OR51L1: variants seen among roughly 807,000 people sequenced by gnomAD.
OR51L1 encodes olfactory receptor family 51 subfamily L member 1, also known as olfactory receptor 51L1.
Under a neutral mutation model 1.4 loss-of-function variants are expected in OR51L1, and 1 was observed. That is an observed-to-expected ratio of 0.72 (90% confidence interval 0.26 to 3.42). The LOEUF (loss-of-function observed/expected upper bound fraction) is 3.42, where lower values mean the gene tolerates loss of function less well. Ranked by LOEUF, OR51L1 falls within the 30% of genes most tolerant of loss-of-function variation. The probability of loss-of-function intolerance (pLI) is 0.20; values close to 1 mark genes in which losing one functional copy is unlikely to be tolerated. For synonymous variants in OR51L1, 156 were observed against 144.2 expected (o/e 1.08, Z -0.59); for missense variants, 378 against 380.0 (o/e 0.99, Z 0.04).
At chr11:4,997,773 G>A (rs945747282) in intron 2 of OR51L1, among the ~76,000 whole-genome samples, 190 bp downstream of exon 2, 4 of 152,142 alleles carry the variant, frequency 2.6e-5, no homozygotes, top group Non-Finnish European at 4.4e-5. Flanking sequence ...AACAATTGCT[G>A]AGGGAAAGTA....
rs1187765369 is a variant in OR51L1 at position 5,001,128 on chromosome 11, G to A, written c.*1198G>A. ...GGGTTTCACCATGTTGGGCAGGCTGGACTCGAACTCCTGACCTCAGGTGAT... is the reference window on the plus strand; with the variant it reads ...GGGTTTCACCATGTTGGGCAGGCTGAACTCGAACTCCTGACCTCAGGTGAT... On this transcript the variant is annotated 3_prime_UTR_variant, in exon 3 of 3. Coordinates refer to ENST00000641819, the MANE Select transcript of OR51L1 (RefSeq NM_001004755.2). 6.6e-6 allele frequency: 1 copy of A among 152,164 alleles called. No homozygotes were observed. Among genetic ancestry groups the A allele is most frequent in the Non-Finnish European group, 1.5e-5 (1 of 68,108 alleles). 9.4% of individuals were successfully genotyped at this position (152,164 alleles called of 1,614,324 possible).
Position 5,001,537 on chromosome 11 carries a change from C to G in OR51L1, c.*1607C>G, listed in dbSNP as rs999343156. On this transcript the variant is annotated 3_prime_UTR_variant, in exon 3 of 3. Coordinates refer to ENST00000641819, the MANE Select transcript of OR51L1 (RefSeq NM_001004755.2). ...TTAAGAGTTGTGCACAATCTCAACC[C>G]TCATCTTTTAATAATACTTTTACCT... 2 of 152,078 alleles carry G rather than the reference C, an allele frequency of 1.3e-5. No individual in the cohort carries two copies. Among genetic ancestry groups the G allele is most frequent in the Non-Finnish European group, 2.9e-5 (2 of 68,006 alleles). The allele number at this position is 152,078 out of a possible 1,614,324, so 9.4% of individuals were successfully genotyped here.
chr11:4,995,418 AATT>A (rs997712949), intron 1 of OR51L1, 83 bp downstream of exon 1: 84 of 152,224 alleles, frequency 5.5e-4, no homozygotes, highest in African/African-American at 2.0e-3. Flanking sequence ...AAGAGAGTAA[AATT>A]ATGAGAAAGA....
intron 2 of OR51L1, among the ~76,000 whole-genome samples, chr11:4,998,194 AACACACACACACACACACACAC>A (rs3066001): frequency 1.4e-5 from 2 of 145,786 alleles, no homozygotes; most frequent in African/African-American, 2.5e-5. Flanking sequence ...TTATTTCACA[AACACACACACACACACACACAC>A]ACACACACAC....
At position 4,998,659 on chromosome 11, in the gene OR51L1, T is replaced by C. The variant is rs576917585; in HGVS notation, c.-159-165T>C. Among the ~76,000 whole-genome samples, 18 of 152,268 alleles carry C rather than the reference T, an allele frequency of 1.2e-4. No homozygotes were observed. In the South Asian group the frequency reaches 3.3e-3, roughly 28 times the overall value. On this transcript the variant is annotated intron_variant, in intron 2 of 2. Transcript: ENST00000641819. ...CTTTTCTCTATTTTCATCTTTATAA[T>C]AATTAGTAAAAGTTCTTTTTTCTCT...
chr11:4,998,977 G>A lies in OR51L1; in HGVS notation c.-6G>A. 1 of 1,607,134 alleles carries A rather than the reference G, an allele frequency of 6.2e-7. No homozygotes were observed. The highest frequency in any genetic ancestry group is 8.5e-7 in the Non-Finnish European group (1 of 1,175,506). On this transcript the variant is annotated 5_prime_UTR_variant, in exon 3 of 3. Coordinates refer to ENST00000641819, the MANE Select transcript of OR51L1 (RefSeq NM_001004755.2). The stretch of plus-strand genomic sequence containing the variant: ...CTCACTACTTGCTGAATTACTCAAA[G>A]TCACTATGGGAGACTGGAATAACAG...
intron 1 of OR51L1, among the ~76,000 whole-genome samples, chr11:4,996,562 A>G (rs1192059658): frequency 6.6e-6 from 1 of 152,104 alleles, no homozygotes; most frequent in African/African-American, 2.4e-5. Context: ...AGAAAATATG[A>G]TTTATTTCAG....
At chr11:4,998,194 AACACACACACAC>A (rs3066001) in intron 2 of OR51L1, among the ~76,000 whole-genome samples, 36,151 of 145,772 alleles carry the variant, frequency 0.25, 4,620 homozygotes, top group South Asian at 0.38. Context: ...TTATTTCACA[AACACACACACAC>A]ACACACACAC....
rs554029974 is a variant in OR51L1, at chr11:5,001,748, A to G, written c.*1818A>G. 4.3e-4 allele frequency: 66 copies of G among 152,248 alleles called. No homozygotes were observed. Among genetic ancestry groups the G allele is most frequent in the African/African-American group, 1.5e-3 (64 of 41,546 alleles). 9.4% of individuals were successfully genotyped at this position (152,248 alleles called of 1,614,324 possible). A position where few individuals can be genotyped will look rare whatever the true frequency, so the allele number is the denominator to read the frequency against. On this transcript the variant is annotated 3_prime_UTR_variant, in exon 3 of 3. Transcript: ENST00000641819. ...TAGCACACTTTTTGAATATGGGGCC[A>G]TGTCTATTACCTTATCACAGCACTA...
chr11:4,995,683 A>T (rs1305762057), intron 1 of OR51L1, among the ~76,000 whole-genome samples: 1 of 152,088 alleles, frequency 6.6e-6, no homozygotes, highest in Non-Finnish European at 1.5e-5. Context: ...CTGCCCTTTG[A>T]AACAGTCTTG....
chr11:5,000,107 T>C lies in OR51L1; in HGVS notation c.*177T>C, dbSNP rs1424333909. ...GAAACTCAGGATTTTTTTGGACAAA[T>C]TGTGACAACTATGGCCTTACGTTGT... On this transcript the variant is annotated 3_prime_UTR_variant, in exon 3 of 3. Transcript: ENST00000641819. 11 of 637,566 alleles carry C rather than the reference T, an allele frequency of 1.7e-5. No individual in the cohort carries two copies. The highest frequency in any genetic ancestry group is 4.3e-4 in the Middle Eastern group (1 of 2,338). The allele number at this position is 637,566 out of a possible 1,614,324, so 39.5% of individuals were successfully genotyped here. A position where few individuals can be genotyped will look rare whatever the true frequency, so the allele number is the denominator to read the frequency against.
At position 4,999,396 on chromosome 11, in the gene OR51L1, C is replaced by T. The variant is rs2133661260; in HGVS notation, c.414C>T (p.Leu138=). 1 of 1,614,206 alleles carries T rather than the reference C, an allele frequency of 6.2e-7. No homozygotes were observed. Among genetic ancestry groups the T allele is most frequent in the South Asian group, 1.1e-5 (1 of 91,088 alleles). ...ATCCACTGCACTACCCCACCATCCT[C>T]ACCAACAGTGTAATTGGCAAAATTG... ...ICHPLHYPTI[L]TNSVIGKIGL... is the part of the protein sequence containing the mutation. Residue 138 remains leucine (L), a synonymous_variant, in exon 3 of 3, where the codon CTC becomes CTT. Transcript: ENST00000641819.
Position 5,005,410 on chromosome 11 carries a change from C to G in OR51L1, c.*5480C>G, listed in dbSNP as rs967821661. 2.0e-5 allele frequency: 3 copies of G among 152,140 alleles called. No homozygotes were observed. The highest frequency in any genetic ancestry group is 2.9e-5 in the Non-Finnish European group (2 of 68,026). 9.4% of individuals were successfully genotyped at this position (152,140 alleles called of 1,614,324 possible). A position where few individuals can be genotyped will look rare whatever the true frequency, so the allele number is the denominator to read the frequency against. On this transcript the variant is annotated 3_prime_UTR_variant, in exon 3 of 3. Transcript: ENST00000641819. ...TTCCCCTACTGCCCAACCTACATGC[C>G]TCCCCCTTCCCCCTTTTAAGGAAAT... is the stretch of plus-strand genomic sequence containing the variant.
intron 2 of OR51L1, among the ~76,000 whole-genome samples, chr11:4,998,477 A>G (rs932930932): frequency 6.6e-5 from 10 of 152,084 alleles, no homozygotes; most frequent in African/African-American, 2.4e-4. Flanking sequence ...TTTAAATATT[A>G]TAAATCTTTA....
Position 4,999,122 on chromosome 11 carries a change from T to C in OR51L1, c.140T>C (p.Ile47Thr), listed in dbSNP as rs138636727. The change falls in exon 3 of 3, where the codon ATC becomes ACC. Residue 47 changes from isoleucine to threonine, a missense_variant. Ile to Thr is a moderately conservative substitution (Grantham distance 89). Coordinates refer to ENST00000641819, the MANE Select transcript of OR51L1 (RefSeq NM_001004755.2). ...GTAGCATTTATGGGTAATGTTACCA[T>C]CCTGTCTGTCATTTGGATAGAATCC... ...YLVAFMGNVT[I>T]LSVIWIESSL... 1 of 1,614,148 alleles carries C rather than the reference T, an allele frequency of 6.2e-7. No homozygotes were observed. The highest frequency in any genetic ancestry group is 1.1e-5 in the South Asian group (1 of 91,082).
rs1003957419 is a variant in OR51L1, at chr11:5,004,440, A to G, written c.*4510A>G. 1 of 152,186 alleles carries G rather than the reference A, an allele frequency of 6.6e-6. No homozygotes were observed. Among genetic ancestry groups the G allele is most frequent in the Admixed American group, 6.5e-5 (1 of 15,282 alleles). The allele number at this position is 152,186 out of a possible 1,614,324, so 9.4% of individuals were successfully genotyped here. On this transcript the variant is annotated 3_prime_UTR_variant, in exon 3 of 3. Coordinates refer to ENST00000641819, the MANE Select transcript of OR51L1 (RefSeq NM_001004755.2). ...GCTGGAAACACCCCTCCAGGGTCCA[A>G]ATAGGTTATTTGGGAAGCCAGTCCC...
At position 4,999,283 on chromosome 11, in the gene OR51L1, G is replaced by A. The variant is rs1258669228; in HGVS notation, c.301G>A (p.Ala101Thr). The change falls in exon 3 of 3, where the codon GCT (alanine) becomes ACT (threonine). Residue 101 changes from alanine to threonine, a missense_variant. Transcript: ENST00000641819. Reference protein sequence around the residue: ...APEIQASACYAQLFFIHTFTF... With the variant: ...APEIQASACYTQLFFIHTFTF... ...AGAGATCCAGGCAAGTGCTTGCTAT[G>A]CTCAGCTGTTCTTCATCCACACATT... 6.2e-7 allele frequency: 1 copy of A among 1,614,050 alleles called. No homozygotes were observed. The highest frequency in any genetic ancestry group is 2.2e-5 in the East Asian group (1 of 44,878).
At position 5,003,210 on chromosome 11, in the gene OR51L1, C is replaced by G. The variant is rs1847146970; in HGVS notation, c.*3280C>G. 6.6e-6 allele frequency: 1 copy of G among 152,258 alleles called. No individual in the cohort carries two copies. The highest frequency in any genetic ancestry group is 1.9e-4 in the East Asian group (1 of 5,182). 9.4% of individuals were successfully genotyped at this position (152,258 alleles called of 1,614,324 possible). A position where few individuals can be genotyped will look rare whatever the true frequency, so the allele number is the denominator to read the frequency against. On this transcript the variant is annotated 3_prime_UTR_variant, in exon 3 of 3. Transcript: ENST00000641819. Reference sequence around the variant, plus strand: ...CTGTGTTTAACCTTAATCCTAGGACCTTATAGTCTGGCGCCTTTCCCGTGA... The same window carrying G: ...CTGTGTTTAACCTTAATCCTAGGACGTTATAGTCTGGCGCCTTTCCCGTGA...
At chr11:4,995,905 CA>C (rs1171332635) in intron 1 of OR51L1, among the ~76,000 whole-genome samples, 2 of 151,910 alleles carry the variant, frequency 1.3e-5, no homozygotes, top group Non-Finnish European at 2.9e-5. Context: ...AAAGTACACA[CA>C]GAAATAGAAA....
Sources: gnomAD v4.1 joint callset for allele counts (sites outside exome capture counted in the v4.1 genomes callset) on GRCh38, gnomAD v4.1.1 for gene constraint, MANE v1.5 for transcripts, NCBI Gene and HGNC (gene_info 2026-07-23, HGNC 2026-07-21) for gene names.